TTC7B: variants seen among roughly 807,000 people sequenced by gnomAD.
TTC7B encodes tetratricopeptide repeat domain 7B.
In TTC7B, 28 loss-of-function variants were observed where a neutral mutation model predicts 106.8. The observed-to-expected ratio is 0.26, with a 90% CI of 0.19 to 0.36. TTC7B has a LOEUF of 0.36. Ranked by LOEUF, TTC7B falls within the 10% of genes least tolerant of loss-of-function variation. TTC7B has a pLI of 1.00. For missense variants in TTC7B, 862 were observed against 1,076.4 expected (o/e 0.80, Z 2.79); for synonymous variants, 405 against 430.6 (o/e 0.94, Z 0.74).
chr14:90,790,673 G>A (rs1199224108), intron 1 of TTC7B, among the ~76,000 whole-genome samples: 1 of 152,048 alleles, frequency 6.6e-6, no homozygotes, highest in Non-Finnish European at 1.5e-5. Flanking sequence ...CCAAGCCAGG[G>A]AGCAGAAACA....
At chr14:90,793,405 T>C (rs1304339538) in intron 1 of TTC7B, among the ~76,000 whole-genome samples, 1 of 151,182 alleles carries the variant, frequency 6.6e-6, no homozygotes, top group Non-Finnish European at 1.5e-5. Flanking sequence ...GTGCCTGTAA[T>C]CCCAGCTACT....
intron 15 of TTC7B, 130 bp from the exon 16 acceptor site, chr14:90,618,175 T>A (rs943996066): frequency 2.3e-5 from 15 of 642,168 alleles, no homozygotes; most frequent in Non-Finnish European, 3.8e-5. Context: ...TCCACATGTG[T>A]GGTCCAAGGA....
At chr14:90,652,811 A>C in intron 13 of TTC7B, 30 bp downstream of exon 13, 2 of 1,613,108 alleles carry the variant, frequency 1.2e-6, no homozygotes, top group Non-Finnish European at 1.7e-6. Context: ...CATTATGTAC[A>C]GCCGAGTGAA....
chr14:90,663,775 C>T lies in TTC7B; in HGVS notation c.1153-5388G>A, dbSNP rs1319256196. On this transcript the variant is annotated intron_variant, in intron 9 of 19. Transcript: ENST00000328459. This position sits in a 1 kb window ranked among gnomAD's most constrained non-coding sequence, Gnocchi z 4.5. The stretch of plus-strand genomic sequence containing the variant: ...GAAATCTGGGTCAATTACAGATTAG[C>T]CCTCCACCCCAATTCAGAGGTGTGT... 1.3e-5 allele frequency among the ~76,000 whole-genome samples: 2 copies of T among 152,164 alleles called. No homozygotes were observed. Among genetic ancestry groups the T allele is most frequent in the African/African-American group, 2.4e-5 (1 of 41,436 alleles).
chr14:90,572,542 G>A (rs903719440), intron 19 of TTC7B, among the ~76,000 whole-genome samples: 2 of 152,202 alleles, frequency 1.3e-5, no homozygotes, highest in African/African-American at 4.8e-5. Context: ...GAACGGCAGA[G>A]CCAGTCCTCA....
chr14:90,728,328 TC>T (rs1214129259), intron 5 of TTC7B, among the ~76,000 whole-genome samples: 1 of 44,290 alleles, frequency 2.3e-5, no homozygotes, highest in Admixed American at 4.1e-4. Context: ...CAAGACCTCG[TC>T]CCCCCCGCAA....
rs73326808 is a variant in TTC7B, at chr14:90,589,168, G to A, written c.2107+4318C>T. On this transcript the variant is annotated intron_variant, in intron 18 of 19. Transcript: ENST00000328459. The stretch of plus-strand genomic sequence containing the variant: ...GGAATGTAAACTGGTACAATTCTGT[G>A]GAAGGCAATGGACAAAACTTATCAA... Among the ~76,000 whole-genome samples the A allele has an allele frequency of 4.4e-3, 668 of 152,240 alleles. 4 individuals are homozygous for A. Among genetic ancestry groups the A allele is most frequent in the African/African-American group, 0.015 (634 of 41,534 alleles).
intron 9 of TTC7B, among the ~76,000 whole-genome samples, chr14:90,664,400 G>A (rs1202083702): frequency 6.6e-6 from 1 of 152,132 alleles, no homozygotes; most frequent in East Asian, 1.9e-4. Context: ...CTCCGGAGTA[G>A]CTGGGATTAC....
intron 1 of TTC7B, among the ~76,000 whole-genome samples, chr14:90,803,608 G>A (rs759811729): frequency 6.6e-6 from 1 of 152,192 alleles, no homozygotes. Flanking sequence ...GATGGCAAAA[G>A]GCAAAGATGA....
At chr14:90,612,955 G>A (rs1333131946) in intron 16 of TTC7B, among the ~76,000 whole-genome samples, 1 of 152,176 alleles carries the variant, frequency 6.6e-6, no homozygotes, top group Non-Finnish European at 1.5e-5. Flanking sequence ...AATGGCACAG[G>A]ATCCACGTTC....
intron 5 of TTC7B, among the ~76,000 whole-genome samples, chr14:90,703,527 G>A (rs1320528643): frequency 1.3e-5 from 2 of 151,954 alleles, no homozygotes; most frequent in East Asian, 3.9e-4. Flanking sequence ...CAACTCTGGC[G>A]ACCACATTTC....
rs560295818 is a variant in TTC7B, at chr14:90,767,650, C to A, written c.445+13088G>T. 1.1e-4 allele frequency among the ~76,000 whole-genome samples: 16 copies of A among 152,282 alleles called. No individual in the cohort carries two copies. The South Asian group carries it at 2.7e-3, about 26-fold the overall frequency. ...CCTCCAGGAATGTGAGAAATAAATT[C>A]TTTTCTTTATAAGCTACCCAGTTTC... is the stretch of plus-strand genomic sequence containing the variant. On this transcript the variant is annotated intron_variant, in intron 3 of 19. Transcript: ENST00000328459.
At chr14:90,656,556 A>G (rs1885955449) in intron 11 of TTC7B, among the ~76,000 whole-genome samples, 2 of 152,230 alleles carry the variant, frequency 1.3e-5, no homozygotes, top group Admixed American at 1.3e-4. Context: ...GAGCTGAAAT[A>G]TAGGGTGACT....
intron 9 of TTC7B, among the ~76,000 whole-genome samples, chr14:90,665,137 A>G (rs1886360672): frequency 6.6e-6 from 1 of 152,216 alleles, no homozygotes; most frequent in South Asian, 2.1e-4. Flanking sequence ...ACAAAACAGC[A>G]GGTGACATCT....
intron 5 of TTC7B, among the ~76,000 whole-genome samples, chr14:90,717,131 T>G (rs1242843078): frequency 6.6e-6 from 1 of 151,936 alleles, no homozygotes; most frequent in Non-Finnish European, 1.5e-5. Context: ...CGAGGTCAGG[T>G]GATCGAGACC....
Position 90,757,126 on chromosome 14 carries a change from G to A in TTC7B, c.446-12204C>T, listed in dbSNP as rs922354815. Among the ~76,000 whole-genome samples, 2 of 151,904 alleles carry A rather than the reference G, an allele frequency of 1.3e-5. No homozygotes were observed. Among genetic ancestry groups the A allele is most frequent in the Admixed American group, 1.3e-4 (2 of 15,254 alleles). On this transcript the variant is annotated intron_variant, in intron 3 of 19. Coordinates refer to ENST00000328459, the MANE Select transcript of TTC7B (RefSeq NM_001010854.2). The surrounding 1 kb of genome is among the most constrained non-coding windows in gnomAD (Gnocchi z 4.1). ...TCTCCACCAGGCATGGCCCCACAGC[G>A]CCCCCTCACAACCCCTACTACCACA...
intron 3 of TTC7B, among the ~76,000 whole-genome samples, chr14:90,763,536 G>A (rs923626889): frequency 1.3e-5 from 2 of 152,066 alleles, no homozygotes; most frequent in African/African-American, 4.8e-5. Context: ...AAGCAACAAA[G>A]TCATCCAGAT....
intron 1 of TTC7B, among the ~76,000 whole-genome samples, chr14:90,800,923 C>T (rs1160586061): frequency 6.6e-6 from 1 of 152,144 alleles, no homozygotes; most frequent in East Asian, 1.9e-4. Context: ...CGATGGCTCA[C>T]ACCTATAATC....
rs1272452994 is a variant in TTC7B at position 90,524,886 on chromosome 14, TTTTA to T, written c.*16478_*16481del. 11 of 33,778 alleles carry T rather than the reference TTTTA, an allele frequency of 3.3e-4. No individual in the cohort carries two copies. The highest frequency in any genetic ancestry group is 1.5e-3 in the Admixed American group (3 of 2,018). The allele number at this position is 33,778 out of a possible 1,614,324, so 2.1% of individuals were successfully genotyped here. On this transcript the variant is annotated 3_prime_UTR_variant, in exon 20 of 20. Coordinates refer to ENST00000328459, the MANE Select transcript of TTC7B (RefSeq NM_001010854.2). Reference sequence around the variant, plus strand: ...CTCATCTCCATTACGAGGCCTTTTTTTTTAAAAAAAAAAAACAAACAAAAAAACA... The same window carrying T: ...CTCATCTCCATTACGAGGCCTTTTTTAAAAAAAAAAACAAACAAAAAAACA...
Sources: gnomAD v4.1 joint callset for allele counts (sites outside exome capture counted in the v4.1 genomes callset) on GRCh38, gnomAD v4.1.1 for gene constraint, Gnocchi (gnomAD v3.1) non-coding constraint, MANE v1.5 for transcripts, NCBI Gene and HGNC (gene_info 2026-07-23, HGNC 2026-07-21) for gene names.